DGKB: variants seen among roughly 807,000 people sequenced by gnomAD.
DGKB encodes 90 kDa diacylglycerol kinase.
Under a neutral mutation model 114.3 loss-of-function variants are expected in DGKB, and 67 were observed. The observed-to-expected ratio is 0.59, with a 90% CI of 0.48 to 0.72. The LOEUF is 0.72. Ranked by LOEUF, DGKB falls within the 30% of genes least tolerant of loss-of-function variation. The pLI, the probability that DGKB is intolerant of heterozygous loss-of-function variation, is 0.00. For synonymous variants in DGKB, 398 were observed against 323.1 expected (o/e 1.23, Z -2.49); for missense variants, 907 against 975.2 (o/e 0.93, Z 0.93).
At chr7:14,697,037 A>G (rs988574245) in intron 8 of DGKB, among the ~76,000 whole-genome samples, 1 of 152,240 alleles carries the variant, frequency 6.6e-6, no homozygotes. Context: ...ACTTTGCTAA[A>G]GGTTTTAAAA....
intron 20 of DGKB, among the ~76,000 whole-genome samples, chr7:14,526,651 C>CTGA (rs1790694097): frequency 6.6e-6 from 1 of 152,064 alleles, no homozygotes; most frequent in Admixed American, 6.6e-5. Context: ...CCATAGTGAA[C>CTGA]TGATATTTAA....
chr7:14,962,506 A>G (rs750125779), intron 1 of DGKB, among the ~76,000 whole-genome samples: 1 of 152,072 alleles, frequency 6.6e-6, no homozygotes, highest in Admixed American at 6.6e-5. Context: ...CATGATCCTG[A>G]TAGGTCAAAT....
chr7:14,880,183 T>A (rs1282180663), intron 1 of DGKB, among the ~76,000 whole-genome samples: 2 of 152,232 alleles, frequency 1.3e-5, no homozygotes, highest in East Asian at 3.9e-4. Context: ...AAGAGTTGCA[T>A]TCTTTCAAAA....
chr7:14,919,101 C>A (rs887591891), intron 1 of DGKB, among the ~76,000 whole-genome samples: 30 of 141,040 alleles, frequency 2.1e-4, no homozygotes, highest in Admixed American at 1.2e-3. Flanking sequence ...CACAAACACA[C>A]ACACACACAC....
chr7:14,313,147 G>C (rs1255968798), intron 23 of DGKB, among the ~76,000 whole-genome samples: 1 of 152,118 alleles, frequency 6.6e-6, no homozygotes, highest in South Asian at 2.1e-4. Context: ...TAATGCCAAA[G>C]AATAATATCC....
intron 23 of DGKB, among the ~76,000 whole-genome samples, chr7:14,250,134 T>TA (rs1562740522): frequency 6.6e-3 from 319 of 48,034 alleles, no homozygotes; most frequent in African/African-American, 0.014. Flanking sequence ...ATATATATAT[T>TA]TTTTTTTTTT....
chr7:14,250,452 T>C (rs1486313500), intron 23 of DGKB, among the ~76,000 whole-genome samples: 1 of 152,216 alleles, frequency 6.6e-6, no homozygotes, highest in African/African-American at 2.4e-5. Flanking sequence ...CTCATATTTT[T>C]AATTTTCCAA....
rs147784488 is a variant in DGKB at position 14,782,290 on chromosome 7, T to G, written c.71-24559A>C. On this transcript the variant is annotated intron_variant, in intron 2 of 25. Transcript: ENST00000402815. ...ATCTGCTCTCCTCAGCCTCTCAAAG[T>G]GCTGGGATTACAGGTGTGAGCCACT... is the stretch of plus-strand genomic sequence containing the variant. Among the ~76,000 whole-genome samples, 1,342 of 152,270 alleles carry G rather than the reference T, an allele frequency of 8.8e-3. 19 individuals are homozygous for G. The highest frequency in any genetic ancestry group is 0.031 in the African/African-American group (1,279 of 41,556).
At chr7:14,833,915 T>C (rs1212739428) in intron 2 of DGKB, among the ~76,000 whole-genome samples, 2 of 152,164 alleles carry the variant, frequency 1.3e-5, no homozygotes, top group Non-Finnish European at 2.9e-5. Context: ...CCAAGAATCT[T>C]GCATACGTAA....
At chr7:14,697,945 G>C in intron 8 of DGKB, 150 bp downstream of exon 8, 2 of 581,896 alleles carry the variant, frequency 3.4e-6, no homozygotes, top group South Asian at 2.0e-5. Context: ...GAGAGAAACA[G>C]AAAGGGAGAT....
chr7:14,870,748 T>A (rs11766729), intron 1 of DGKB, among the ~76,000 whole-genome samples: 61,687 of 151,758 alleles, frequency 0.41, 13,307 homozygotes, highest in East Asian at 0.64. Context: ...TGAGCCGAGA[T>A]AGTACCACTA....
intron 17 of DGKB, among the ~76,000 whole-genome samples, chr7:14,592,426 A>G (rs1801861428): frequency 1.3e-5 from 2 of 151,958 alleles, no homozygotes; most frequent in African/African-American, 2.4e-5. Flanking sequence ...TTCAATTCAT[A>G]TTTATACTTG....
At chr7:14,814,924 T>C (rs975169040) in intron 2 of DGKB, among the ~76,000 whole-genome samples, 2 of 152,214 alleles carry the variant, frequency 1.3e-5, no homozygotes, top group Admixed American at 1.3e-4. Flanking sequence ...CTATTCCTTT[T>C]GCTCTTTTAT....
chr7:14,441,743 GT>G (rs1225489955), intron 21 of DGKB, among the ~76,000 whole-genome samples: 4 of 152,044 alleles, frequency 2.6e-5, no homozygotes, highest in East Asian at 1.9e-4. Context: ...GTTTGCTAAA[GT>G]TTTTTTGTAC....
intron 1 of DGKB, among the ~76,000 whole-genome samples, chr7:14,896,299 G>T (rs919008076): frequency 1.3e-5 from 2 of 151,672 alleles, no homozygotes; most frequent in Non-Finnish European, 3.0e-5. Context: ...AATTTCTGAG[G>T]ATTAATTGCA....
chr7:14,753,766 A>G (rs763860381), intron 4 of DGKB, among the ~76,000 whole-genome samples, 162 bp downstream of exon 4: 1 of 152,144 alleles, frequency 6.6e-6, no homozygotes, highest in Admixed American at 6.6e-5. Flanking sequence ...ATTTTGTCAC[A>G]TCCAGCTTAG....
intron 1 of DGKB, among the ~76,000 whole-genome samples, chr7:14,876,689 T>C (rs1457354647): frequency 6.6e-6 from 1 of 152,214 alleles, no homozygotes; most frequent in Non-Finnish European, 1.5e-5. Context: ...ACTCGTTAGC[T>C]GTACAACTGA....
intron 2 of DGKB, among the ~76,000 whole-genome samples, chr7:14,782,961 T>A (rs941939926): frequency 6.6e-6 from 1 of 152,070 alleles, no homozygotes; most frequent in Non-Finnish European, 1.5e-5. Flanking sequence ...GCCTCCCAAG[T>A]CACTGGGATT....
intron 21 of DGKB, among the ~76,000 whole-genome samples, chr7:14,381,798 T>G (rs899133017): frequency 6.6e-6 from 1 of 152,152 alleles, no homozygotes; most frequent in East Asian, 1.9e-4. Context: ...AGCCACACTG[T>G]AATCACAAAT....
Sources: allele counts gnomAD v4.1 joint callset (sites outside exome capture counted in the v4.1 genomes callset), GRCh38; gene constraint gnomAD v4.1.1; transcripts MANE v1.5; gene names NCBI Gene and HGNC (gene_info 2026-07-23, HGNC 2026-07-21).